The following XKR5 variants were observed in gnomAD, a reference collection of about 807,000 sequenced individuals.
XKR5 encodes XK-related protein 5.
Under a neutral mutation model 40.8 loss-of-function variants are expected in XKR5, and 46 were observed. The observed-to-expected ratio is 1.13, with a 90% confidence interval of 0.89 to 1.44. The LOEUF (loss-of-function observed/expected upper bound fraction) is 1.44, where lower values mean the gene tolerates loss of function less well. Ranked by LOEUF, XKR5 falls within the 40% of genes most tolerant of loss-of-function variation. The pLI is 0.00. For missense variants in XKR5, 1,169 were observed against 844.7 expected (o/e 1.38, Z -4.76); for synonymous variants, 466 against 356.1 (o/e 1.31, Z -3.48).
At chr8:6,824,385 A>G (rs1804368746) in intron 3 of XKR5, among the ~76,000 whole-genome samples, 1 of 152,052 alleles carries the variant, frequency 6.6e-6, no homozygotes, top group Admixed American at 6.6e-5. Context: ...AACAAGAAGC[A>G]ACTGAGAGAA....
rs1393542250 is a variant in XKR5, at chr8:6,832,881, G to C, written c.78C>G (p.Tyr26Ter). The change falls in exon 2 of 7, where the codon TAC (tyrosine) becomes TAG (stop). Residue 26 changes from tyrosine to a stop codon, truncating the protein, a stop_gained. Coordinates refer to ENST00000618742, the MANE Select transcript of XKR5 (RefSeq NM_207411.5). LOFTEE classifies it high-confidence loss of function. ...ACAGAAGCCGTCCTGTGGTGAAGTA[G>C]TAAGCCACGGTGTAAAGGCCTGGGT... Reference protein sequence around the residue: ...EQSARLYTVAYYFTTGRLLWG... With the variant: ...EQSARLYTVA 6.2e-7 allele frequency: 1 copy of C among 1,601,934 alleles called. No individual in the cohort carries two copies. The highest frequency in any genetic ancestry group is 8.5e-7 in the Non-Finnish European group (1 of 1,175,304).
intron 4 of XKR5, 76 bp downstream of exon 4, chr8:6,823,445 G>T (rs920543322): frequency 1.4e-6 from 2 of 1,444,244 alleles, no homozygotes; most frequent in Non-Finnish European, 1.9e-6. Flanking sequence ...GATCATATGT[G>T]GTTATTCTTG....
At chr8:6,818,819 G>A (rs1042798498) in intron 5 of XKR5, among the ~76,000 whole-genome samples, 10 of 152,182 alleles carry the variant, frequency 6.6e-5, no homozygotes, top group East Asian at 1.9e-4. Context: ...CTGCCAGACC[G>A]TTCCAGCAGA....
chr8:6,812,882 A>C (rs1803801862), intron 6 of XKR5, among the ~76,000 whole-genome samples: 1 of 152,234 alleles, frequency 6.6e-6, no homozygotes, highest in Non-Finnish European at 1.5e-5. Context: ...CATGAACAAC[A>C]ACAACACTTC....
intron 1 of XKR5, among the ~76,000 whole-genome samples, chr8:6,834,332 G>A (rs1333354835): frequency 6.6e-6 from 1 of 152,252 alleles, no homozygotes; most frequent in Non-Finnish European, 1.5e-5. Flanking sequence ...CTAGACCGCG[G>A]GGTCCGGGCT....
Position 6,823,522 on chromosome 8 carries a change from T to C in XKR5, c.636A>G (p.Ala212=). The C allele has an allele frequency of 1.3e-6, 2 of 1,582,712 alleles. No individual in the cohort carries two copies. Among genetic ancestry groups the C allele is most frequent in the Non-Finnish European group, 1.7e-6 (2 of 1,164,106 alleles). The change falls in exon 4 of 7, where the codon GCA becomes GCG. Residue 212 remains alanine, a splice_region_variant and synonymous_variant. Coordinates refer to ENST00000618742, the MANE Select transcript of XKR5 (RefSeq NM_207411.5). ...GACCAGATCATTAGCTCAGCTCACC[T>C]GCAACCACAAAAACCCAAAAGTGGT... The part of the protein sequence containing the change: ...KAYHFWVFVV[A]GAHWLVMTFW...
chr8:6,820,538 C>T (rs1804181923), intron 5 of XKR5, among the ~76,000 whole-genome samples: 1 of 152,190 alleles, frequency 6.6e-6, no homozygotes, highest in Admixed American at 6.5e-5. Context: ...GCGGGGTGTC[C>T]ACCTATGAAT....
In XKR5 at chr8:6,811,726, G is replaced by C; in HGVS notation, c.1533C>G (p.Thr511=). ...QNPAATQGEG[T]PKEGADAVSG... ...AAACAGCGTCAGCTCCTTCCTTTGG[G>C]GTGCCCTCCCCCTGCGTGGCTGCTG... is the stretch of plus-strand genomic sequence containing the variant. The change falls in exon 7 of 7, where the codon ACC becomes ACG. Residue 511 remains threonine, a synonymous_variant. Coordinates refer to ENST00000618742, the MANE Select transcript of XKR5 (RefSeq NM_207411.5). 1 of 1,537,570 alleles carries C rather than the reference G, an allele frequency of 6.5e-7. No homozygotes were observed. Among genetic ancestry groups the C allele is most frequent in the Non-Finnish European group, 8.7e-7 (1 of 1,146,996 alleles).
chr8:6,833,827 A>T (rs904377568), intron 1 of XKR5, among the ~76,000 whole-genome samples: 2 of 152,242 alleles, frequency 1.3e-5, no homozygotes, highest in Non-Finnish European at 1.5e-5. Context: ...ACAGGCATTC[A>T]CTAAATGACA....
chr8:6,821,998 C>T lies in XKR5; in HGVS notation c.678G>A (p.Gln226=), dbSNP rs745556738. Reference sequence around the variant, plus strand: ...AGGTGCTGTCGATGATGTCACTCTGCTGGGCGACAAGCCAGAATGTCATCA... The same window carrying T: ...AGGTGCTGTCGATGATGTCACTCTGTTGGGCGACAAGCCAGAATGTCATCA... ...WLVMTFWLVA[Q]QSDIIDSTCH... is the part of the protein sequence containing the mutation. Residue 226 remains glutamine (Q), a synonymous_variant, in exon 5 of 7, where the codon CAG becomes CAA. Transcript: ENST00000618742. The T allele has an allele frequency of 6.8e-6, 11 of 1,605,878 alleles. No individual in the cohort carries two copies. In the South Asian group the frequency reaches 1.1e-4, roughly 16 times the overall value.
At chr8:6,812,622 G>A (rs949084727) in intron 6 of XKR5, among the ~76,000 whole-genome samples, 3 of 151,798 alleles carry the variant, frequency 2.0e-5, no homozygotes, top group South Asian at 2.1e-4. Context: ...AGTCATCTAC[G>A]TGTGTGTGTG....
intron 2 of XKR5, among the ~76,000 whole-genome samples, chr8:6,829,738 A>T (rs906091363): frequency 5.3e-5 from 8 of 150,680 alleles, no homozygotes; most frequent in Non-Finnish European, 8.8e-5. Context: ...GCTGGTTTAG[A>T]ACTCCTGGCC....
In XKR5 at chr8:6,812,272, G is replaced by T; in HGVS notation, c.987C>A (p.Cys329Ter). Residue 329 changes from cysteine to a stop codon, truncating the protein, a stop_gained, in exon 7 of 7, where the codon TGC becomes TGA. Coordinates refer to ENST00000618742, the MANE Select transcript of XKR5 (RefSeq NM_207411.5). LOFTEE classifies it low-confidence loss of function (END_TRUNC). ...CTGCAATGCCACAGGACTTCCTTAG[G>T]CAGCCCTGCCAGATGTCTGTGGATT... ...HPKSTDIWQG[C>*]LRKSCGIAGG... 6.4e-7 allele frequency: 1 copy of T among 1,554,154 alleles called. No homozygotes were observed. Among genetic ancestry groups the T allele is most frequent in the South Asian group, 1.2e-5 (1 of 84,174 alleles).
rs770390052 is a variant in XKR5 at position 6,821,873 on chromosome 8, T to A, written c.803A>T (p.Tyr268Phe). The change falls in exon 5 of 7, where the codon TAC becomes TTC. Residue 268 changes from tyrosine (Y) to phenylalanine (F), a missense_variant. Physicochemically the swap from Tyr to Phe is conservative, Grantham distance 22 (BLOSUM62 3). Coordinates refer to ENST00000618742, the MANE Select transcript of XKR5 (RefSeq NM_207411.5). ...ATAAAGAAAAGTGCCACTTGCCATGTAGAACGTGACCATCCTATTTCTAGA... is the reference window on the plus strand; with the variant it reads ...ATAAAGAAAAGTGCCACTTGCCATGAAGAACGTGACCATCCTATTTCTAGA... ...SPSRNRMVTF[Y>F]MVMLLENIIL... 5 of 1,612,972 alleles carry A rather than the reference T, an allele frequency of 3.1e-6. 1 individual carries two copies. The South Asian group carries it at 5.5e-5, about 18-fold the overall frequency.
intron 5 of XKR5, 105 bp from the exon 6 acceptor site, chr8:6,816,023 G>C: frequency 1.2e-5 from 9 of 772,860 alleles, no homozygotes; most frequent in Non-Finnish European, 1.9e-5. Flanking sequence ...CATCCTGAGT[G>C]CCCACTGGAG....
rs1320316103 is a variant in XKR5, at chr8:6,812,330, G to A, written c.929C>T (p.Ser310Leu). 2 of 1,546,210 alleles carry A rather than the reference G, an allele frequency of 1.3e-6. No homozygotes were observed. The highest frequency in any genetic ancestry group is 2.4e-5 in the East Asian group (1 of 40,996). Residue 310 changes from serine (S) to leucine (L), a missense_variant, in exon 7 of 7, where the codon TCA (serine) becomes TTA (leucine). By Grantham distance (145) the Ser-to-Leu change is moderately radical (BLOSUM62 -2). Coordinates refer to ENST00000618742, the MANE Select transcript of XKR5 (RefSeq NM_207411.5). ...CAGCAGGCTGTAATAAATTACCAGT[G>A]AGACACTGCCTGAAAAAGAACAAAA... ...VLSGFLIGSV[S>L]LVIYYSLLHP... is the part of the protein sequence containing the mutation.
At chr8:6,835,366 T>G (rs1587216234) in intron 1 of XKR5, 70 bp downstream of exon 1, 2 of 1,343,248 alleles carry the variant, frequency 1.5e-6, no homozygotes, top group South Asian at 1.7e-5. Context: ...AGGCAGCCTG[T>G]GCGGCTCCCG....
At chr8:6,822,887 A>G (rs1450623129) in intron 4 of XKR5, among the ~76,000 whole-genome samples, 1 of 152,346 alleles carries the variant, frequency 6.6e-6, no homozygotes, top group Non-Finnish European at 1.5e-5. Context: ...TTCAAAGGAA[A>G]TGGTGCACTT....
Position 6,810,756 on chromosome 8 carries a change from T to TTCATAACATAA in XKR5, c.*431_*441dup, listed in dbSNP as rs1223460093. The TTCATAACATAA allele has an allele frequency of 1.9e-5, 3 of 154,532 alleles. No homozygotes were observed. The highest frequency in any genetic ancestry group is 7.2e-5 in the African/African-American group (3 of 41,512). The allele number at this position is 154,532 out of a possible 1,614,324, so 9.6% of individuals were successfully genotyped here. ...CATGCAAATTATCTTACCAAGAGAT[T>TTCATAACATAA]TCATAACATAATACAGTTAGAATAT... On this transcript the variant is annotated 3_prime_UTR_variant, in exon 7 of 7. Transcript: ENST00000618742.
Sources: allele counts gnomAD v4.1 joint callset (sites outside exome capture counted in the v4.1 genomes callset), GRCh38; gene constraint gnomAD v4.1.1; transcripts MANE v1.5; gene names NCBI Gene and HGNC (gene_info 2026-07-23, HGNC 2026-07-21).